The following FMNL2 variants were observed in gnomAD, a reference collection of about 807,000 sequenced individuals.
FMNL2 encodes the protein formin-like protein 2.
A neutral mutation model predicts 130.2 loss-of-function variants in FMNL2; 51 were observed. The observed-to-expected ratio is 0.39, with a 90% CI of 0.31 to 0.49. The LOEUF (loss-of-function observed/expected upper bound fraction) is 0.49. Ranked by LOEUF, FMNL2 falls within the 20% of genes least tolerant of loss-of-function variation. FMNL2 has a pLI of 0.85. For missense variants in FMNL2, 977 were observed against 1,316.2 expected (o/e 0.74, Z 3.99); for synonymous variants, 465 against 467.1 (o/e 1.00, Z 0.06).
At chr2:152,542,619 C>T (rs545225411) in intron 2 of FMNL2, 120 bp from the exon 3 acceptor site, 65 of 913,454 alleles carry the variant, frequency 7.1e-5, no homozygotes, top group Non-Finnish European at 1.1e-4. Flanking sequence ...AATGACTGCT[C>T]GCAGGGCCAC....
intron 1 of FMNL2, among the ~76,000 whole-genome samples, chr2:152,442,969 C>T (rs924728974): frequency 6.6e-6 from 1 of 152,076 alleles, no homozygotes; most frequent in African/African-American, 2.4e-5. Flanking sequence ...TTAGAGGGAT[C>T]GCTCGGGCCG....
chr2:152,581,613 G>A (rs1190265402), intron 9 of FMNL2, among the ~76,000 whole-genome samples: 3 of 151,842 alleles, frequency 2.0e-5, no homozygotes, highest in Admixed American at 1.3e-4. Flanking sequence ...CTGCCCCAGC[G>A]TATCCAAACA....
intron 1 of FMNL2, among the ~76,000 whole-genome samples, chr2:152,388,326 C>G (rs553990791): frequency 6.6e-6 from 1 of 152,290 alleles, no homozygotes; most frequent in East Asian, 1.9e-4. Flanking sequence ...AATTGACTCA[C>G]AGTTCAGCAT....
At position 152,587,687 on chromosome 2, in the gene FMNL2, C is replaced by G. The variant is rs543797001; in HGVS notation, c.876+6638C>G. 8.1e-4 allele frequency among the ~76,000 whole-genome samples: 124 copies of G among 152,264 alleles called. 1 individual carries two copies. In the South Asian group the frequency reaches 0.025, roughly 31 times the overall value. On this transcript the variant is annotated intron_variant, in intron 9 of 25. Coordinates refer to ENST00000288670, the MANE Select transcript of FMNL2 (RefSeq NM_052905.4). Reference sequence around the variant, plus strand: ...CTAGTTATTTCTTTACCATTAGTGTCTTTAACATCTGGTTAAGGGAATGAA... The same window carrying G: ...CTAGTTATTTCTTTACCATTAGTGTGTTTAACATCTGGTTAAGGGAATGAA...
rs796954245 is a variant in FMNL2, at chr2:152,375,877, C to CTCTCTCTCTCTCTCTCTCTATA, written c.117+40158_117+40159insCTCTCTCTCTCTCTCTCTATAT. 3.6e-5 allele frequency among the ~76,000 whole-genome samples: 4 copies of CTCTCTCTCTCTCTCTCTCTATA among 112,482 alleles called. No homozygotes were observed. The East Asian group carries it at 1.6e-3, about 46-fold the overall frequency. The allele number at this position is 112,482 out of a possible 152,430, so 73.8% of individuals were successfully genotyped here. On this transcript the variant is annotated intron_variant, in intron 1 of 25. Transcript: ENST00000288670. Reference sequence around the variant, plus strand: ...TCTCTCTCTCTCTCTCTCTCTCTCTCTATATATATATATATATATAATTAT... The same window carrying CTCTCTCTCTCTCTCTCTCTATA: ...TCTCTCTCTCTCTCTCTCTCTCTCTCTCTCTCTCTCTCTCTCTCTATATATATATATATATATATATAATTAT...
At position 152,423,607 on chromosome 2, in the gene FMNL2, C is replaced by T. The variant is rs184175772; in HGVS notation, c.117+87887C>T. ...TAAAATAAGATCCGATAAATCCATC[C>T]TGGTGGTCTGCATGGCATTTGTCAG... is the stretch of plus-strand genomic sequence containing the variant. On this transcript the variant is annotated intron_variant, in intron 1 of 25. Coordinates refer to ENST00000288670, the MANE Select transcript of FMNL2 (RefSeq NM_052905.4). Among the ~76,000 whole-genome samples the T allele has an allele frequency of 2.1e-3, 326 of 152,280 alleles. 2 individuals are homozygous for T. The highest frequency in any genetic ancestry group is 7.7e-3 in the African/African-American group (318 of 41,552).
At chr2:152,448,635 T>C (rs1253915730) in intron 1 of FMNL2, among the ~76,000 whole-genome samples, 1 of 152,212 alleles carries the variant, frequency 6.6e-6, no homozygotes, top group Non-Finnish European at 1.5e-5. Context: ...TTGAATACTA[T>C]CTGAAACCAG....
At chr2:152,348,294 C>T (rs1433091790) in intron 1 of FMNL2, among the ~76,000 whole-genome samples, 1 of 152,162 alleles carries the variant, frequency 6.6e-6, no homozygotes, top group Admixed American at 6.5e-5. Flanking sequence ...CATTCTTAGC[C>T]ATTTGTTTGT....
intron 11 of FMNL2, among the ~76,000 whole-genome samples, chr2:152,612,273 C>G (rs1449276627): frequency 6.6e-6 from 1 of 152,180 alleles, no homozygotes; most frequent in Non-Finnish European, 1.5e-5. Flanking sequence ...GTAATTCCAG[C>G]ACTTTGGGAG....
Position 152,520,389 on chromosome 2 carries a change from G to A in FMNL2, c.118-1554G>A, listed in dbSNP as rs187929407. On this transcript the variant is annotated intron_variant, in intron 1 of 25. Coordinates refer to ENST00000288670, the MANE Select transcript of FMNL2 (RefSeq NM_052905.4). ...CGGGCGGATCATCCAGGGGTCAGGA[G>A]TTCAAGACCAGCCTGGCCAACATGG... Among the ~76,000 whole-genome samples the A allele has an allele frequency of 8.7e-4, 133 of 152,150 alleles. 2 individuals are homozygous for A. The highest frequency in any genetic ancestry group is 1.7e-3 in the Non-Finnish European group (114 of 67,996).
chr2:152,460,521 ATATC>A (rs1051876948), intron 1 of FMNL2, among the ~76,000 whole-genome samples: 3 of 152,164 alleles, frequency 2.0e-5, no homozygotes, highest in African/African-American at 7.2e-5. Flanking sequence ...TATTTGTTGA[ATATC>A]TTTCTTTCCC....
chr2:152,347,464 A>G (rs958549291), intron 1 of FMNL2, among the ~76,000 whole-genome samples: 1 of 152,180 alleles, frequency 6.6e-6, no homozygotes, highest in Admixed American at 6.5e-5. Context: ...GTTTGTGTGT[A>G]TAGTATCCCT....
At chr2:152,351,089 A>G (rs7602975) in intron 1 of FMNL2, among the ~76,000 whole-genome samples, 13,873 of 152,238 alleles carry the variant, frequency 0.091, 739 homozygotes, top group African/African-American at 0.15. Context: ...ATAAAAATAA[A>G]GTGAAAGTTG....
chr2:152,562,639 A>G (rs560043175), intron 6 of FMNL2, among the ~76,000 whole-genome samples: 3 of 152,350 alleles, frequency 2.0e-5, no homozygotes, highest in East Asian at 3.9e-4. Context: ...CAGTGTTTCA[A>G]TTCACCTTAT....
chr2:152,421,425 A>T (rs1363381844), intron 1 of FMNL2, among the ~76,000 whole-genome samples: 1 of 152,218 alleles, frequency 6.6e-6, no homozygotes, highest in African/African-American at 2.4e-5. Flanking sequence ...TGGGACAACA[A>T]ATCAGTGCTA....
At chr2:152,438,409 G>A (rs34968716) in intron 1 of FMNL2, among the ~76,000 whole-genome samples, 3 of 152,016 alleles carry the variant, frequency 2.0e-5, no homozygotes, top group African/African-American at 7.3e-5. Context: ...ATTAGAGTGG[G>A]GAATGGACAG....
At chr2:152,439,096 T>C (rs1199466307) in intron 1 of FMNL2, among the ~76,000 whole-genome samples, 1 of 151,756 alleles carries the variant, frequency 6.6e-6, no homozygotes, top group Non-Finnish European at 1.5e-5. Context: ...TGTGTGTGTG[T>C]GTGTGTGTGT....
At chr2:152,618,427 C>T (rs1699066224) in intron 13 of FMNL2, among the ~76,000 whole-genome samples, 1 of 151,998 alleles carries the variant, frequency 6.6e-6, no homozygotes, top group Admixed American at 6.6e-5. Flanking sequence ...GATTTGTATC[C>T]AAGTCTGATT....
intron 1 of FMNL2, among the ~76,000 whole-genome samples, chr2:152,354,335 C>CAA (rs36013532): frequency 1.4e-5 from 2 of 145,100 alleles, no homozygotes; most frequent in African/African-American, 2.5e-5. Context: ...CCAGTAGTGG[C>CAA]AAAAAAAAAA....
Sources: gnomAD v4.1 joint callset for allele counts (sites outside exome capture counted in the v4.1 genomes callset) on GRCh38, gnomAD v4.1.1 for gene constraint, MANE v1.5 for transcripts, NCBI Gene and HGNC (gene_info 2026-07-23, HGNC 2026-07-21) for gene names.